Variants in SIDT1 observed in about 807,000 individuals in gnomAD.
SIDT1 encodes SID1 transmembrane family member 1.
SIDT1 carries 101 observed loss-of-function variants against 107.5 expected under a neutral mutation model. That is an observed-to-expected ratio of 0.94 (90% CI 0.80 to 1.11). The LOEUF is 1.11. Among genes scored for constraint, SIDT1 ranks in the 50% least tolerant of loss-of-function variants. The pLI is 0.00. For missense variants in SIDT1, 1,076 were observed against 1,058.2 expected, an observed-to-expected ratio of 1.02 and a Z score of -0.23; for synonymous variants, 395 against 398.2, an observed-to-expected ratio of 0.99 and a Z score of 0.10.
intron 1 of SIDT1, among the ~76,000 whole-genome samples, chr3:113,553,443 T>C (rs768495498): frequency 6.6e-6 from 1 of 152,172 alleles, no homozygotes; most frequent in Non-Finnish European, 1.5e-5. Flanking sequence ...ATTAATTAAG[T>C]AGGCCCCAGA....
At chr3:113,620,780 G>T (rs912188202) in intron 21 of SIDT1, among the ~76,000 whole-genome samples, 22 of 152,174 alleles carry the variant, frequency 1.4e-4, no homozygotes, top group African/African-American at 4.8e-4. Flanking sequence ...CAGTCCTGGT[G>T]GTCCTGAAAG....
intron 1 of SIDT1, among the ~76,000 whole-genome samples, chr3:113,555,177 A>G (rs1023055253): frequency 1.3e-5 from 2 of 152,116 alleles, no homozygotes; most frequent in Non-Finnish European, 2.9e-5. Flanking sequence ...ACTACACTGT[A>G]GCCTTTGTTT....
intron 15 of SIDT1, among the ~76,000 whole-genome samples, chr3:113,607,822 C>T (rs1567778): frequency 0.31 from 47,760 of 151,938 alleles, 7,784 homozygotes; most frequent in East Asian, 0.43. Flanking sequence ...ACTATACAAA[C>T]GCCACTGGGA....
chr3:113,624,706 T>C (rs577925402), intron 23 of SIDT1, among the ~76,000 whole-genome samples: 1 of 152,118 alleles, frequency 6.6e-6, no homozygotes, highest in East Asian at 1.9e-4. Context: ...CCACCCTTCC[T>C]GGACTCTGGT....
chr3:113,545,794 G>A (rs1287448840), intron 1 of SIDT1, among the ~76,000 whole-genome samples: 1 of 152,154 alleles, frequency 6.6e-6, no homozygotes, highest in African/African-American at 2.4e-5. Context: ...TTATATCAGT[G>A]ATACCTAAGG....
In SIDT1 at chr3:113,628,036, G is replaced by T; in HGVS notation, c.*328G>T. On this transcript the variant is annotated 3_prime_UTR_variant, in exon 25 of 25. Coordinates refer to ENST00000264852, the MANE Select transcript of SIDT1 (RefSeq NM_017699.3). ...TTGGGGTCCCTCCCACCCTCACGGA[G>T]ACTTGCCAGCAATGGCAGAATGCTG... 1 of 307,584 alleles carries T rather than the reference G, an allele frequency of 3.3e-6. No individual in the cohort carries two copies. Among genetic ancestry groups the T allele is most frequent in the Non-Finnish European group, 6.1e-6 (1 of 162,982 alleles). The allele number at this position is 307,584 out of a possible 1,614,324, so 19.1% of individuals were successfully genotyped here. A position where few individuals can be genotyped will look rare whatever the true frequency, so the allele number is the denominator to read the frequency against.
intron 14 of SIDT1, 190 bp from the exon 15 acceptor site, chr3:113,606,851 C>CT (rs1945367801): frequency 2.0e-6 from 1 of 493,718 alleles, no homozygotes; most frequent in Non-Finnish European, 3.6e-6. Flanking sequence ...AAGATGGTAA[C>CT]TTTTTTGTAA....
At chr3:113,558,060 A>G (rs532026050) in intron 1 of SIDT1, among the ~76,000 whole-genome samples, 17 of 152,290 alleles carry the variant, frequency 1.1e-4, no homozygotes, top group Non-Finnish European at 2.2e-4. Context: ...ACAGAGAGAG[A>G]GGGGGATCTG....
At chr3:113,601,089 A>T (rs1215736329) in intron 10 of SIDT1, among the ~76,000 whole-genome samples, 1 of 152,256 alleles carries the variant, frequency 6.6e-6, no homozygotes, top group Non-Finnish European at 1.5e-5. Context: ...CCATTGCATT[A>T]GTCCTTATAA....
intron 10 of SIDT1, among the ~76,000 whole-genome samples, chr3:113,598,382 A>G (rs1439467212): frequency 6.6e-6 from 1 of 152,208 alleles, no homozygotes; most frequent in Non-Finnish European, 1.5e-5. Context: ...ACACACACAG[A>G]CAGAGAACAT....
intron 1 of SIDT1, among the ~76,000 whole-genome samples, chr3:113,541,177 T>C (rs1298588158): frequency 6.6e-6 from 1 of 151,734 alleles, no homozygotes; most frequent in African/African-American, 2.4e-5. Flanking sequence ...TATTTTGAGA[T>C]GGAGTCTTGC....
intron 9 of SIDT1, among the ~76,000 whole-genome samples, chr3:113,587,783 G>T: frequency 6.6e-6 from 1 of 152,218 alleles, no homozygotes. Flanking sequence ...GCCAGGATTT[G>T]AACTCAGGCA....
chr3:113,533,495 C>G (rs970246171), intron 1 of SIDT1, among the ~76,000 whole-genome samples: 4 of 152,222 alleles, frequency 2.6e-5, no homozygotes, highest in Non-Finnish European at 5.9e-5. Flanking sequence ...GGCACCAGTT[C>G]CCCGCACCGT....
At chr3:113,616,291 C>A in intron 20 of SIDT1, 115 bp downstream of exon 20, 1 of 786,844 alleles carries the variant, frequency 1.3e-6, no homozygotes, top group Non-Finnish European at 2.2e-6. Context: ...CCAGATGGCC[C>A]AGGGTGGCTA....
At chr3:113,607,598 C>T (rs1008265464) in intron 15 of SIDT1, among the ~76,000 whole-genome samples, 3 of 152,256 alleles carry the variant, frequency 2.0e-5, no homozygotes, top group African/African-American at 7.2e-5. Context: ...GAAGCATTGC[C>T]TGGGAGTTGG....
chr3:113,544,309 G>C (rs1233523295), intron 1 of SIDT1, among the ~76,000 whole-genome samples: 1 of 152,036 alleles, frequency 6.6e-6, no homozygotes, highest in Non-Finnish European at 1.5e-5. Flanking sequence ...CCCTGCCTCA[G>C]CCTCCCAAGT....
chr3:113,583,344 C>T, intron 6 of SIDT1, 65 bp from the exon 7 acceptor site: 2 of 1,233,402 alleles, frequency 1.6e-6, no homozygotes, highest in Non-Finnish European at 2.3e-6. Context: ...GCCCCTACCC[C>T]CAGGGACTTT....
At chr3:113,624,693 C>T (rs561179264) in intron 23 of SIDT1, among the ~76,000 whole-genome samples, 1 of 152,044 alleles carries the variant, frequency 6.6e-6, no homozygotes, top group Non-Finnish European at 1.5e-5. Context: ...TCTCCCTCTC[C>T]CCCCACCCTT....
At chr3:113,566,842 A>G (rs904047871) in intron 2 of SIDT1, among the ~76,000 whole-genome samples, 1 of 152,190 alleles carries the variant, frequency 6.6e-6, no homozygotes, top group African/African-American at 2.4e-5. Flanking sequence ...CCAATGGGCT[A>G]TGTCTAGCAG....
Sources: gnomAD v4.1 joint callset for allele counts (sites outside exome capture counted in the v4.1 genomes callset) on GRCh38, gnomAD v4.1.1 for gene constraint, MANE v1.5 for transcripts, NCBI Gene and HGNC (gene_info 2026-07-23, HGNC 2026-07-21) for gene names.